The following NELL1 variants were observed in gnomAD, a reference collection of about 807,000 sequenced individuals.
NELL1 encodes neural EGFL like 1, also known as protein kinase C-binding protein NELL1.
In NELL1, 76 loss-of-function variants were observed where a neutral mutation model predicts 107.4. The ratio of observed to expected loss-of-function variants is 0.71; its 90% CI spans 0.59 to 0.86. The LOEUF is 0.86. Ranked by LOEUF, NELL1 falls within the 40% of genes least tolerant of loss-of-function variation. NELL1 has a pLI of 0.00. For missense variants in NELL1, 1,024 were observed against 1,005.5 expected (o/e 1.02, Z -0.25); for synonymous variants, 353 against 341.2 (o/e 1.03, Z -0.38).
intron 12 of NELL1, among the ~76,000 whole-genome samples, chr11:21,010,175 G>A (rs1852416244): frequency 6.6e-6 from 1 of 151,980 alleles, no homozygotes; most frequent in South Asian, 2.1e-4. Context: ...GGCTTGTGAT[G>A]AAAAACAGCA....
chr11:21,055,619 A>T (rs1290172182), intron 12 of NELL1, among the ~76,000 whole-genome samples: 2 of 152,076 alleles, frequency 1.3e-5, no homozygotes, highest in African/African-American at 4.8e-5. Flanking sequence ...TGTTGGTTTT[A>T]TTTAGGAAAG....
chr11:20,739,147 T>C (rs767618369), intron 2 of NELL1, among the ~76,000 whole-genome samples: 4 of 152,244 alleles, frequency 2.6e-5, no homozygotes, highest in Non-Finnish European at 4.4e-5. Context: ...GCTGTCCTTG[T>C]AGAAAGCTCT....
rs372104078 is a variant in NELL1 at position 21,570,889 on chromosome 11, G to A, written c.2106G>A (p.Leu702=). The A allele has an allele frequency of 5.3e-5, 85 of 1,611,754 alleles. No individual in the cohort carries two copies. Among genetic ancestry groups the A allele is most frequent in the African/African-American group, 1.2e-4 (9 of 74,704 alleles). The change falls in exon 18 of 20, where the codon CTG becomes CTA. Residue 702 remains leucine (L), a synonymous_variant. Coordinates refer to ENST00000357134, the MANE Select transcript of NELL1 (RefSeq NM_006157.5). ...GTTTAGACCAAAATGGTCACAAGCT[G>A]TATCGAAGTGGAGACAATTGGACCC... ...SQCLDQNGHK[L]YRSGDNWTHS... is the part of the protein sequence containing the mutation.
chr11:20,928,348 G>T (rs1051237245), intron 8 of NELL1, 29 bp from the exon 9 acceptor site: 1 of 1,583,462 alleles, frequency 6.3e-7, no homozygotes, highest in South Asian at 1.1e-5. Context: ...ATACTTCTGA[G>T]ATTATGTTCC....
At chr11:21,002,576 T>A (rs978932367) in intron 12 of NELL1, among the ~76,000 whole-genome samples, 1 of 152,208 alleles carries the variant, frequency 6.6e-6, no homozygotes, top group Non-Finnish European at 1.5e-5. Context: ...AAAGTCTCCA[T>A]GGGCCTGCAT....
chr11:20,923,474 C>T (rs1407766686), intron 7 of NELL1, among the ~76,000 whole-genome samples: 1 of 151,946 alleles, frequency 6.6e-6, no homozygotes, highest in African/African-American at 2.4e-5. Context: ...CCTTTTTTGT[C>T]CTCCTACATT....
intron 4 of NELL1, among the ~76,000 whole-genome samples, chr11:20,850,747 G>C (rs1848780914): frequency 6.6e-6 from 1 of 152,172 alleles, no homozygotes; most frequent in South Asian, 2.1e-4. Context: ...TGCTTGGAAA[G>C]ATGTGAAATC....
chr11:21,010,123 T>G (rs989343388), intron 12 of NELL1, among the ~76,000 whole-genome samples: 1 of 152,020 alleles, frequency 6.6e-6, no homozygotes, highest in Non-Finnish European at 1.5e-5. Context: ...AGAGCATTGT[T>G]TAATTCATAT....
chr11:21,335,328 CCTCT>C (rs894759876), intron 14 of NELL1, among the ~76,000 whole-genome samples: 2 of 151,394 alleles, frequency 1.3e-5, no homozygotes, highest in Non-Finnish European at 3.0e-5. Flanking sequence ...TTAACTATTT[CCTCT>C]CTCTCTCTCT....
chr11:20,736,359 G>T (rs1033190045), intron 2 of NELL1, among the ~76,000 whole-genome samples: 1 of 152,164 alleles, frequency 6.6e-6, no homozygotes, highest in Non-Finnish European at 1.5e-5. Flanking sequence ...GGAAGCCCCT[G>T]GCCGAGCAGA....
intron 4 of NELL1, among the ~76,000 whole-genome samples, chr11:20,882,758 C>CA: frequency 6.6e-6 from 1 of 152,290 alleles, no homozygotes; most frequent in East Asian, 1.9e-4. Flanking sequence ...CCAATTTTCC[C>CA]AATAATGTCC....
At chr11:21,453,321 G>A (rs917967496) in intron 15 of NELL1, among the ~76,000 whole-genome samples, 37 of 151,260 alleles carry the variant, frequency 2.4e-4, no homozygotes, top group African/African-American at 8.8e-4. Context: ...GGATTTTTAT[G>A]ACTTCTTTAT....
chr11:21,528,441 C>T (rs1412517598), intron 15 of NELL1, among the ~76,000 whole-genome samples: 1 of 151,310 alleles, frequency 6.6e-6, no homozygotes, highest in Non-Finnish European at 1.5e-5. Flanking sequence ...GATTAGCTCC[C>T]ATGGAGTCTG....
At chr11:21,496,931 C>G (rs1266581773) in intron 15 of NELL1, among the ~76,000 whole-genome samples, 1 of 152,032 alleles carries the variant, frequency 6.6e-6, no homozygotes, top group African/African-American at 2.4e-5. Context: ...CCAGCTTCAT[C>G]TATGTCCCTA....
chr11:20,719,271 G>A (rs571290514), intron 2 of NELL1, among the ~76,000 whole-genome samples: 1 of 152,276 alleles, frequency 6.6e-6, no homozygotes, highest in African/African-American at 2.4e-5. Flanking sequence ...TAGGATCATA[G>A]CCCAGGATCC....
chr11:21,511,355 C>T (rs1474568263), intron 15 of NELL1, among the ~76,000 whole-genome samples: 1 of 151,918 alleles, frequency 6.6e-6, no homozygotes, highest in Non-Finnish European at 1.5e-5. Context: ...TTTTATTTGC[C>T]TCAGCAAGGG....
At chr11:21,141,012 T>A (rs1855854166) in intron 13 of NELL1, among the ~76,000 whole-genome samples, 1 of 152,196 alleles carries the variant, frequency 6.6e-6, no homozygotes, top group Non-Finnish European at 1.5e-5. Context: ...TCTGCCTGTG[T>A]CCCAGTATAG....
chr11:21,279,074 G>C (rs144526698), intron 14 of NELL1, among the ~76,000 whole-genome samples: 314 of 152,194 alleles, frequency 2.1e-3, no homozygotes, highest in African/African-American at 7.3e-3. Flanking sequence ...ACATCCACAT[G>C]CCAAAATAAA....
At chr11:21,437,085 G>A (rs1167810403) in intron 15 of NELL1, among the ~76,000 whole-genome samples, 1 of 152,104 alleles carries the variant, frequency 6.6e-6, no homozygotes, top group African/African-American at 2.4e-5. Flanking sequence ...TGTGTATTCT[G>A]TAGCTTTTGG....
Sources: gnomAD v4.1 joint callset for allele counts (sites outside exome capture counted in the v4.1 genomes callset) on GRCh38, gnomAD v4.1.1 for gene constraint, MANE v1.5 for transcripts, NCBI Gene and HGNC (gene_info 2026-07-23, HGNC 2026-07-21) for gene names.